Variants in WDR76 observed in about 807,000 individuals in gnomAD.
WDR76 encodes WD repeat domain 76, also known as WD repeat-containing protein 76.
WDR76 carries 52 observed loss-of-function variants against 70.2 expected under a neutral mutation model. That is an observed-to-expected ratio of 0.74 (90% CI 0.59 to 0.93). The LOEUF is 0.93. WDR76 is among the 40% of genes least tolerant of loss of function. The pLI, the probability that WDR76 is intolerant of heterozygous loss-of-function variation, is 0.00. For synonymous variants in WDR76, 292 were observed against 271.1 expected (o/e 1.08, Z -0.76); for missense variants, 756 against 760.2 (o/e 0.99, Z 0.07).
At chr15:43,833,203 T>G (rs907837886) in intron 2 of WDR76, among the ~76,000 whole-genome samples, 5 of 152,158 alleles carry the variant, frequency 3.3e-5, no homozygotes, top group African/African-American at 1.2e-4. Context: ...CTCACTCTGT[T>G]GCCCAGGCTA....
chr15:43,852,030 G>C (rs1210505312), intron 9 of WDR76, among the ~76,000 whole-genome samples: 1 of 152,160 alleles, frequency 6.6e-6, no homozygotes, highest in African/African-American at 2.4e-5. Flanking sequence ...ATACATCATT[G>C]CACTTCAGCC....
At chr15:43,837,645 CATT>C (rs1487598077) in intron 4 of WDR76, among the ~76,000 whole-genome samples, 1 of 151,958 alleles carries the variant, frequency 6.6e-6, no homozygotes, top group Non-Finnish European at 1.5e-5. Flanking sequence ...GTAAAGCTGG[CATT>C]ATGCTAATCT....
At chr15:43,855,477 G>C (rs1409832697) in intron 9 of WDR76, among the ~76,000 whole-genome samples, 1 of 152,146 alleles carries the variant, frequency 6.6e-6, no homozygotes, top group East Asian at 1.9e-4. Context: ...TTTTTGTGGG[G>C]TGTGAAGGTT....
At position 43,842,409 on chromosome 15, in the gene WDR76, T is replaced by C; in HGVS notation, c.733-6T>C. The C allele has an allele frequency of 1.2e-6, 2 of 1,611,500 alleles. No individual in the cohort carries two copies. Among genetic ancestry groups the C allele is most frequent in the Non-Finnish European group, 1.7e-6 (2 of 1,179,096 alleles). On this transcript the variant is annotated splice_polypyrimidine_tract_variant and splice_region_variant and intron_variant, in intron 5 of 12. Coordinates refer to ENST00000263795, the MANE Select transcript of WDR76 (RefSeq NM_024908.4). ...CCAACAAATAACTTTTTATTTTTTA[T>C]AACAGCCTTTGTTACCTCCTGGGCC...
chr15:43,839,804 AG>A, intron 5 of WDR76, 76 bp downstream of exon 5: 2 of 1,414,118 alleles, frequency 1.4e-6, no homozygotes, highest in African/African-American at 3.0e-5. Flanking sequence ...CTAGACTAAA[AG>A]TTCATTAAAT....
intron 12 of WDR76, among the ~76,000 whole-genome samples, chr15:43,862,845 C>T (rs1455096891): frequency 1.3e-5 from 2 of 152,122 alleles, no homozygotes; most frequent in African/African-American, 4.8e-5. Context: ...GGTTTCTCCA[C>T]ATTGGTTAGG....
intron 11 of WDR76, among the ~76,000 whole-genome samples, chr15:43,859,725 A>G (rs986786156): frequency 2.0e-5 from 3 of 152,208 alleles, no homozygotes; most frequent in African/African-American, 7.2e-5. Flanking sequence ...CTTTGTCTCA[A>G]AAGCTGCTTA....
intron 2 of WDR76, among the ~76,000 whole-genome samples, chr15:43,831,035 G>A (rs1291003139): frequency 6.7e-6 from 1 of 149,896 alleles, no homozygotes; most frequent in Admixed American, 6.6e-5. Flanking sequence ...GCGACAGAGC[G>A]AGACTCTGTC....
At chr15:43,858,491 C>T in intron 10 of WDR76, 180 bp from the exon 11 acceptor site, 2 of 641,220 alleles carry the variant, frequency 3.1e-6, no homozygotes, top group South Asian at 2.2e-5. Context: ...GATGATCCAC[C>T]TGCCTCCACC....
intron 11 of WDR76, among the ~76,000 whole-genome samples, chr15:43,860,210 A>C (rs371263150): frequency 5.3e-5 from 8 of 152,326 alleles, no homozygotes; most frequent in East Asian, 3.9e-4. Context: ...GTGCCATTGC[A>C]CTTCAGCCTG....
chr15:43,848,539 G>A (rs2087816505), intron 8 of WDR76, among the ~76,000 whole-genome samples: 1 of 152,158 alleles, frequency 6.6e-6, no homozygotes, highest in African/African-American at 2.4e-5. Context: ...GAAGAAGTAG[G>A]GACAGTGAGT....
chr15:43,834,403 C>T (rs1207675442), intron 2 of WDR76, among the ~76,000 whole-genome samples: 4 of 149,962 alleles, frequency 2.7e-5, no homozygotes, highest in East Asian at 2.0e-4. Flanking sequence ...CAGGTTCAAG[C>T]GATTTTCCTG....
intron 3 of WDR76, among the ~76,000 whole-genome samples, chr15:43,835,697 T>C (rs2918942): frequency 0.98 from 145,496 of 148,844 alleles, 71,202 homozygotes; most frequent in East Asian, 1. Flanking sequence ...TTGCTCTTGT[T>C]GCCCAGGCTG....
At chr15:43,864,105 GAC>G (rs747697012) in intron 12 of WDR76, 1 of 152,098 alleles carries the variant, frequency 6.6e-6, no homozygotes, top group South Asian at 2.1e-4. Flanking sequence ...GTTCATCCAC[GAC>G]AGGATTTTCT....
In WDR76 at chr15:43,836,863, G is replaced by A. The variant is rs372201698; in HGVS notation, c.608+647G>A. Among the ~76,000 whole-genome samples, 13 of 148,830 alleles carry A rather than the reference G, an allele frequency of 8.7e-5. No homozygotes were observed. In the East Asian group the frequency reaches 1.6e-3, roughly 18 times the overall value. On this transcript the variant is annotated intron_variant, in intron 4 of 12. Transcript: ENST00000263795. The stretch of plus-strand genomic sequence containing the variant: ...CTGACCAACATGGAGAAACCCCATC[G>A]CTACTAAAAAAAAAAAAAAAATTAA...
At chr15:43,831,563 C>G (rs534600969) in intron 2 of WDR76, among the ~76,000 whole-genome samples, 127 of 152,124 alleles carry the variant, frequency 8.3e-4, no homozygotes, top group African/African-American at 2.9e-3. Context: ...CTCAGCGTCC[C>G]GAGTAGCTGG....
At chr15:43,864,916 T>A (rs115755075) in intron 12 of WDR76, among the ~76,000 whole-genome samples, 2,456 of 152,142 alleles carry the variant, frequency 0.016, 72 homozygotes, top group African/African-American at 0.057. Flanking sequence ...ATTTATTTTA[T>A]TTTTTAATTT....
chr15:43,852,435 G>C (rs1422475868), intron 9 of WDR76, among the ~76,000 whole-genome samples: 1 of 151,992 alleles, frequency 6.6e-6, no homozygotes, highest in African/African-American at 2.4e-5. Context: ...GCAGTGGTGC[G>C]ATCTTGGCTC....
chr15:43,857,393 TG>T (rs2087941703), intron 10 of WDR76: 1 of 891,342 alleles, frequency 1.1e-6, no homozygotes, highest in Non-Finnish European at 1.3e-6. Flanking sequence ...AAGAAATTTT[TG>T]TTTTCCTTGG....
Sources: allele counts gnomAD v4.1 joint callset (sites outside exome capture counted in the v4.1 genomes callset), GRCh38; gene constraint gnomAD v4.1.1; transcripts MANE v1.5; gene names NCBI Gene and HGNC (gene_info 2026-07-23, HGNC 2026-07-21).